The following ASIC2 variants were observed in gnomAD, a reference collection of about 807,000 sequenced individuals.
ASIC2 encodes the protein acid sensing ion channel subunit 2.
A neutral mutation model predicts 57.3 loss-of-function variants in ASIC2; 25 were observed. The ratio of observed to expected loss-of-function variants is 0.44; its 90% CI spans 0.32 to 0.61. The LOEUF is 0.61. ASIC2 is among the 20% of genes least tolerant of loss of function. The pLI is 0.06. For synonymous variants in ASIC2, 319 were observed against 307.5 expected (o/e 1.04, Z -0.39); for missense variants, 641 against 738.1 (o/e 0.87, Z 1.52).
chr17:33,904,543 C>G (rs1443556104), intron 1 of ASIC2, among the ~76,000 whole-genome samples: 1 of 152,198 alleles, frequency 6.6e-6, no homozygotes, highest in African/African-American at 2.4e-5. Context: ...TGTCATGCAA[C>G]TAAGGTCGAG....
intron 1 of ASIC2, among the ~76,000 whole-genome samples, chr17:33,194,197 G>A (rs534168465): frequency 6.6e-6 from 1 of 152,290 alleles, no homozygotes; most frequent in East Asian, 1.9e-4. Flanking sequence ...CCACGAATCT[G>A]AAATTATTGC....
intron 1 of ASIC2, among the ~76,000 whole-genome samples, chr17:33,186,529 G>A (rs1386191162): frequency 1.3e-5 from 2 of 152,122 alleles, no homozygotes; most frequent in Non-Finnish European, 2.9e-5. Context: ...AAGTAAATTC[G>A]AGAGATTTTC....
At chr17:33,658,487 C>T (rs1907147046) in intron 1 of ASIC2, among the ~76,000 whole-genome samples, 1 of 152,176 alleles carries the variant, frequency 6.6e-6, no homozygotes, top group Non-Finnish European at 1.5e-5. Flanking sequence ...GCTCCTCATA[C>T]TGGGTAGTTT....
intron 1 of ASIC2, among the ~76,000 whole-genome samples, chr17:33,917,699 G>A (rs1915613325): frequency 2.0e-5 from 3 of 152,040 alleles, no homozygotes; most frequent in Admixed American, 2.0e-4. Context: ...CTTGACTTTT[G>A]AATAAAATAA....
At chr17:33,298,182 C>T (rs12938235), upstream of ASIC2, among the ~76,000 whole-genome samples, 73,792 of 151,604 alleles carry the variant, frequency 0.49, 18,117 homozygotes, top group East Asian at 0.74. Context: ...TTGTTACATA[C>T]GTATACATGT....
chr17:33,280,003 G>A (rs1904873516), intron 1 of ASIC2, among the ~76,000 whole-genome samples: 1 of 152,098 alleles, frequency 6.6e-6, no homozygotes. Flanking sequence ...TGCCAGACTT[G>A]CCTTTGTAGA....
At chr17:33,331,625 A>G (rs1459688713) in intron 1 of ASIC2, among the ~76,000 whole-genome samples, 3 of 152,202 alleles carry the variant, frequency 2.0e-5, no homozygotes, top group Non-Finnish European at 4.4e-5. Context: ...TTCATGAGTA[A>G]AATATAACCC....
intron 1 of ASIC2, among the ~76,000 whole-genome samples, chr17:33,989,804 C>T (rs1406373282): frequency 6.6e-6 from 1 of 152,026 alleles, no homozygotes; most frequent in Non-Finnish European, 1.5e-5. Flanking sequence ...ATAGAAAACT[C>T]GTATTAACAG....
At chr17:33,885,952 T>G (rs1914819798) in intron 1 of ASIC2, among the ~76,000 whole-genome samples, 1 of 152,208 alleles carries the variant, frequency 6.6e-6, no homozygotes, top group African/African-American at 2.4e-5. Context: ...ATAACTTCTG[T>G]CACATTCATA....
intron 1 of ASIC2, among the ~76,000 whole-genome samples, chr17:34,040,031 G>A (rs918395984): frequency 6.7e-6 from 1 of 150,132 alleles, no homozygotes; most frequent in African/African-American, 2.5e-5. Context: ...AGCCACCGCC[G>A]GCGCCGGGCT....
At chr17:33,017,089 C>G (rs1023899951) in intron 8 of ASIC2, among the ~76,000 whole-genome samples, 9 of 152,220 alleles carry the variant, frequency 5.9e-5, no homozygotes, top group African/African-American at 1.9e-4. Context: ...CTGGCGTGCC[C>G]TGCTGTCTTC....
chr17:33,988,195 A>C (rs1308008203), intron 1 of ASIC2, among the ~76,000 whole-genome samples: 3 of 152,238 alleles, frequency 2.0e-5, no homozygotes, highest in Non-Finnish European at 4.4e-5. Context: ...TGTGGTATAC[A>C]TGCAAACACA....
At chr17:33,335,470 G>T (rs549548262) in intron 1 of ASIC2, among the ~76,000 whole-genome samples, 1 of 152,178 alleles carries the variant, frequency 6.6e-6, no homozygotes, top group Admixed American at 6.5e-5. Context: ...AGGGAATGTC[G>T]CAGAGATTGT....
rs1908603444 is a variant in ASIC2, at chr17:34,052,429, T to A, written c.555+103549A>T. Among the ~76,000 whole-genome samples the A allele has an allele frequency of 3.3e-5, 5 of 152,162 alleles. No individual in the cohort carries two copies. The South Asian group carries it at 1.0e-3, about 31-fold the overall frequency. ...AAAAATCCCATCTCCGAAAAGACTG[T>A]TCATGGCAAGTGGGAGTCTACACGG... On this transcript the variant is annotated intron_variant, in intron 1 of 9. Transcript: ENST00000359872.
chr17:33,160,834 A>G (rs1353825046), intron 1 of ASIC2, among the ~76,000 whole-genome samples: 1 of 152,092 alleles, frequency 6.6e-6, no homozygotes, highest in Non-Finnish European at 1.5e-5. Context: ...GGGACAATTC[A>G]TGCCCTGGTC....
At chr17:33,295,288 C>T (rs1275883471), upstream of ASIC2, among the ~76,000 whole-genome samples, 1 of 152,160 alleles carries the variant, frequency 6.6e-6, no homozygotes, top group Non-Finnish European at 1.5e-5. Flanking sequence ...GCTTAGGCCT[C>T]AAGGGGCCTT....
At chr17:33,066,154 T>C (rs1364487483) in intron 3 of ASIC2, among the ~76,000 whole-genome samples, 2 of 152,110 alleles carry the variant, frequency 1.3e-5, no homozygotes, top group Non-Finnish European at 2.9e-5. Context: ...GTCTTTTTAT[T>C]TGGGGGAAGG....
chr17:33,828,503 A>G (rs1463255892), intron 1 of ASIC2: 3 of 152,200 alleles, frequency 2.0e-5, no homozygotes, highest in Admixed American at 6.5e-5. Context: ...AGAAAGAGGT[A>G]AGATTATGGC....
At chr17:34,089,435 C>T (rs538608306) in intron 1 of ASIC2, among the ~76,000 whole-genome samples, 2 of 152,154 alleles carry the variant, frequency 1.3e-5, no homozygotes, top group South Asian at 4.2e-4. Flanking sequence ...TAAAACATGC[C>T]CTGGGCCTCT....
Sources: allele counts gnomAD v4.1 joint callset (sites outside exome capture counted in the v4.1 genomes callset), GRCh38; gene constraint gnomAD v4.1.1; transcripts MANE v1.5; gene names NCBI Gene and HGNC (gene_info 2026-07-23, HGNC 2026-07-21).